RPH3A: variants seen among roughly 807,000 people sequenced by gnomAD.
The protein encoded by RPH3A is rabphilin-3A.
Under a neutral mutation model 102.2 loss-of-function variants are expected in RPH3A, and 48 were observed. That is an observed-to-expected ratio of 0.47 (90% CI 0.37 to 0.60). The LOEUF (loss-of-function observed/expected upper bound fraction) is 0.60, where lower values mean the gene tolerates loss of function less well. Ranked by LOEUF, RPH3A falls within the 20% of genes least tolerant of loss-of-function variation. RPH3A has a pLI of 0.00. For synonymous variants in RPH3A, 310 were observed against 324.3 expected, an observed-to-expected ratio of 0.96 and a Z score of 0.47; for missense variants, 781 against 910.1, an observed-to-expected ratio of 0.86 and a Z score of 1.83.
At chr12:112,761,878 A>G (rs2040856759) in intron 1 of RPH3A, among the ~76,000 whole-genome samples, 1 of 152,192 alleles carries the variant, frequency 6.6e-6, no homozygotes, top group South Asian at 2.1e-4. Context: ...CATTCCACCT[A>G]TAAGTCAACG....
chr12:112,764,456 T>C (rs1220010136), intron 1 of RPH3A, among the ~76,000 whole-genome samples: 2 of 152,164 alleles, frequency 1.3e-5, no homozygotes, highest in African/African-American at 2.4e-5. Flanking sequence ...TTTGAAGGTA[T>C]AAGACTCAGT....
chr12:112,627,825 C>T lies in RPH3A; in HGVS notation c.-140+52506C>T, dbSNP rs140686703. On this transcript the variant is annotated intron_variant, in intron 1 of 21. Coordinates refer to the RPH3A transcript ENST00000543106. ...TTCTCACATTACTATAAAGAACTAC[C>T]TGAGACTGGGTAATTTGTAAAGAAA... Among the ~76,000 whole-genome samples, 207 of 152,232 alleles carry T rather than the reference C, an allele frequency of 1.4e-3. 1 individual carries two copies. Among genetic ancestry groups the T allele is most frequent in the African/African-American group, 4.9e-3 (204 of 41,516 alleles).
At chr12:112,583,658 T>C (rs78368285) in intron 1 of RPH3A, among the ~76,000 whole-genome samples, 1 of 152,192 alleles carries the variant, frequency 6.6e-6, no homozygotes, top group African/African-American at 2.4e-5. Flanking sequence ...GCAAACTACA[T>C]CCTATATCCA....
intron 2 of RPH3A, among the ~76,000 whole-genome samples, chr12:112,793,328 G>A (rs2041161303): frequency 6.6e-6 from 1 of 152,148 alleles, no homozygotes; most frequent in Non-Finnish European, 1.5e-5. Flanking sequence ...TAGCATTTTT[G>A]CTATTATCTC....
chr12:112,678,609 C>A (rs905157599), intron 1 of RPH3A, among the ~76,000 whole-genome samples: 2 of 152,026 alleles, frequency 1.3e-5, no homozygotes, highest in African/African-American at 2.4e-5. Context: ...CTGTTAAAAT[C>A]TATAATGGTC....
upstream of RPH3A, among the ~76,000 whole-genome samples, chr12:112,790,170 C>T (rs1478337625): frequency 6.6e-6 from 1 of 152,026 alleles, no homozygotes; most frequent in Non-Finnish European, 1.5e-5. Flanking sequence ...GATTCTCCTG[C>T]CTCCACCTCC....
chr12:112,576,570 G>A (rs920842759), intron 1 of RPH3A, among the ~76,000 whole-genome samples: 3 of 152,190 alleles, frequency 2.0e-5, no homozygotes, highest in African/African-American at 7.2e-5. Flanking sequence ...TGGCCAGGCT[G>A]GTCTCAAACT....
intron 5 of RPH3A, among the ~76,000 whole-genome samples, chr12:112,859,480 C>A (rs956622924): frequency 1.3e-5 from 2 of 152,142 alleles, no homozygotes; most frequent in Non-Finnish European, 1.5e-5. Flanking sequence ...TTACCCATAA[C>A]CCCTCACTGC....
chr12:112,578,706 T>C (rs1414556464), intron 1 of RPH3A, among the ~76,000 whole-genome samples: 1 of 152,216 alleles, frequency 6.6e-6, no homozygotes, highest in Non-Finnish European at 1.5e-5. Flanking sequence ...AACTAGCCAC[T>C]TTCTGACAGC....
At chr12:112,714,998 C>T (rs955520096) in intron 1 of RPH3A, among the ~76,000 whole-genome samples, 4 of 152,310 alleles carry the variant, frequency 2.6e-5, no homozygotes, top group Admixed American at 1.3e-4. Context: ...AGTTCCACCT[C>T]CTCCAGGAAG....
At chr12:112,832,961 G>A (rs771931315) in intron 3 of RPH3A, among the ~76,000 whole-genome samples, 4 of 120,962 alleles carry the variant, frequency 3.3e-5, no homozygotes, top group East Asian at 2.5e-4. Context: ...TTTTGAGACC[G>A]AGTCTTGCTC....
At chr12:112,748,264 A>ATGGC (rs2040761749) in intron 1 of RPH3A, among the ~76,000 whole-genome samples, 2 of 152,130 alleles carry the variant, frequency 1.3e-5, no homozygotes, top group African/African-American at 4.8e-5. Flanking sequence ...CCAGACGTGT[A>ATGGC]TGGCTATACA....
chr12:112,828,449 C>A, intron 3 of RPH3A, 60 bp downstream of exon 3: 1 of 1,252,122 alleles, frequency 8.0e-7, no homozygotes, highest in Non-Finnish European at 1.1e-6. Context: ...TTTGACAATT[C>A]TACACTTGAA....
intron 1 of RPH3A, among the ~76,000 whole-genome samples, chr12:112,675,088 T>C (rs2040165026): frequency 6.6e-6 from 1 of 152,226 alleles, no homozygotes; most frequent in Admixed American, 6.5e-5. Flanking sequence ...TTCTTTCATC[T>C]CTGTCAAAGC....
chr12:112,806,057 A>G (rs2041455521), intron 2 of RPH3A, among the ~76,000 whole-genome samples: 1 of 152,228 alleles, frequency 6.6e-6, no homozygotes, highest in Non-Finnish European at 1.5e-5. Flanking sequence ...ATGGTTATAT[A>G]AAATAAACCA....
In RPH3A at chr12:112,895,876, G is replaced by T; in HGVS notation, c.1954+3G>T. ...CGGCAAGTCCAATGATTACATCGGT[G>T]AGTGTTCCTAACTCCAGAGAAAACG... On this transcript the variant is annotated splice_donor_region_variant and intron_variant, in intron 21 of 21. Transcript: ENST00000389385. The T allele has an allele frequency of 6.2e-7, 1 of 1,604,976 alleles. No individual in the cohort carries two copies.
chr12:112,656,835 T>C (rs923300644), intron 1 of RPH3A, among the ~76,000 whole-genome samples: 2 of 152,078 alleles, frequency 1.3e-5, no homozygotes, highest in African/African-American at 2.4e-5. Flanking sequence ...CCACATTTTC[T>C]TTATCCAATT....
At chr12:112,877,108 A>G (rs1458914320) in intron 13 of RPH3A, among the ~76,000 whole-genome samples, 5 of 152,136 alleles carry the variant, frequency 3.3e-5, no homozygotes, top group East Asian at 1.9e-4. Flanking sequence ...AATAACATCA[A>G]TGGTACCATG....
chr12:112,783,175 G>A (rs536778313), intron 1 of RPH3A, among the ~76,000 whole-genome samples: 10 of 152,144 alleles, frequency 6.6e-5, no homozygotes, highest in Non-Finnish European at 8.8e-5. Context: ...GATATCTGTC[G>A]TGTCACGTTA....
Sources: allele counts gnomAD v4.1 joint callset (sites outside exome capture counted in the v4.1 genomes callset), GRCh38; gene constraint gnomAD v4.1.1; transcripts MANE v1.5; gene names NCBI Gene and HGNC (gene_info 2026-07-23, HGNC 2026-07-21).